The following YWHAG variants were observed in gnomAD, a reference collection of about 807,000 sequenced individuals.
YWHAG encodes tyrosine 3-monooxygenase/tryptophan 5-monooxygenase activation protein gamma.
A neutral mutation model predicts 23.3 loss-of-function variants in YWHAG; 1 was observed. That is an observed-to-expected ratio of 0.04 (90% CI 0.02 to 0.20). The LOEUF (loss-of-function observed/expected upper bound fraction) is 0.20, where lower values mean the gene tolerates loss of function less well. YWHAG is among the 10% of genes least tolerant of loss of function. The pLI, the probability that YWHAG is intolerant of heterozygous loss-of-function variation, is 1.00. For missense variants in YWHAG, 151 were observed against 338.6 expected (o/e 0.45, Z 4.35); for synonymous variants, 160 against 144.0 (o/e 1.11, Z -0.80).
chr7:76,332,940 G>A (rs1452984056), intron 1 of YWHAG, among the ~76,000 whole-genome samples: 1 of 152,120 alleles, frequency 6.6e-6, no homozygotes, highest in Admixed American at 6.6e-5. Flanking sequence ...CTGGCCTCAA[G>A]TGATCCACCC....
Position 76,327,563 on chromosome 7 carries a change from A to G in YWHAG, c.*2014T>C, listed in dbSNP as rs1803463292. 6.6e-6 allele frequency: 1 copy of G among 152,586 alleles called. No individual in the cohort carries two copies. Among genetic ancestry groups the G allele is most frequent in the Admixed American group, 6.6e-5 (1 of 15,264 alleles). The allele number at this position is 152,586 out of a possible 1,614,324, so 9.5% of individuals were successfully genotyped here. A position where few individuals can be genotyped will look rare whatever the true frequency, so the allele number is the denominator to read the frequency against. ...GAGCCAAAGCTGAAATTTAAAGGAA[A>G]AATAGGTTTTGTAATTCCAGTAAAT... On this transcript the variant is annotated 3_prime_UTR_variant, in exon 2 of 2. Coordinates refer to ENST00000307630, the MANE Select transcript of YWHAG (RefSeq NM_012479.4).
At chr7:76,356,886 C>G (rs7780494) in intron 1 of YWHAG, among the ~76,000 whole-genome samples, 2 of 152,144 alleles carry the variant, frequency 1.3e-5, no homozygotes, top group Non-Finnish European at 2.9e-5. Flanking sequence ...CCTGGCTTAT[C>G]GGCTAATTTC....
At position 76,327,786 on chromosome 7, in the gene YWHAG, A is replaced by C. The variant is rs143567403; in HGVS notation, c.*1791T>G. Reference sequence around the variant, plus strand: ...CTAGTTCTTCTGGTAGGCTTCACTTAACTGGGACTTTTACTCTAGCGTGAG... The same window carrying C: ...CTAGTTCTTCTGGTAGGCTTCACTTCACTGGGACTTTTACTCTAGCGTGAG... On this transcript the variant is annotated 3_prime_UTR_variant, in exon 2 of 2. Transcript: ENST00000307630. 1 of 150,210 alleles carries C rather than the reference A, an allele frequency of 6.7e-6. No homozygotes were observed. Among genetic ancestry groups the C allele is most frequent in the South Asian group, 2.1e-4 (1 of 4,754 alleles). The allele number at this position is 150,210 out of a possible 1,614,324, so 9.3% of individuals were successfully genotyped here.
chr7:76,345,428 C>T (rs911498922), intron 1 of YWHAG, among the ~76,000 whole-genome samples: 6 of 151,772 alleles, frequency 4.0e-5, no homozygotes, highest in Non-Finnish European at 7.4e-5. Flanking sequence ...CCTCGTGATC[C>T]ACCCGCCTCG....
chr7:76,334,639 C>T lies in YWHAG; in HGVS notation c.88-4406G>A, dbSNP rs907364625. Among the ~76,000 whole-genome samples the T allele has an allele frequency of 4.4e-4, 67 of 151,984 alleles. 1 individual carries two copies. The highest frequency in any genetic ancestry group is 1.6e-3 in the African/African-American group (65 of 41,342). On this transcript the variant is annotated intron_variant, in intron 1 of 1. Transcript: ENST00000307630. ...CTATGTTGTCCAGGCTGGTTTCGAA[C>T]TCCTGAGCACAAGTGATCCTCCAGC...
At chr7:76,351,789 G>A (rs552917817) in intron 1 of YWHAG, among the ~76,000 whole-genome samples, 1 of 152,302 alleles carries the variant, frequency 6.6e-6, no homozygotes, top group East Asian at 1.9e-4. Context: ...ACATTACGGT[G>A]AGTTGTATAA....
intron 1 of YWHAG, among the ~76,000 whole-genome samples, chr7:76,357,901 CAT>C (rs1351867400): frequency 6.6e-6 from 1 of 152,146 alleles, no homozygotes; most frequent in Non-Finnish European, 1.5e-5. Flanking sequence ...AAAGAAACGG[CAT>C]ATGTCACACG....
In YWHAG at chr7:76,358,875, C is replaced by T. The variant is rs1460298408; in HGVS notation, c.-67G>A. ...GGGGCGGCCTGAAGGGCTTGGAGGG[C>T]GCGACTGGAGCCCAAGTGCCGGAGA... On this transcript the variant is annotated 5_prime_UTR_variant, in exon 1 of 2. Coordinates refer to ENST00000307630, the MANE Select transcript of YWHAG (RefSeq NM_012479.4). The T allele has an allele frequency of 1.4e-5, 21 of 1,462,498 alleles. No homozygotes were observed. Among genetic ancestry groups the T allele is most frequent in the Non-Finnish European group, 1.8e-5 (20 of 1,084,526 alleles). The allele number at this position is 1,462,498 out of a possible 1,614,324, so 90.6% of individuals were successfully genotyped here. A position where few individuals can be genotyped will look rare whatever the true frequency, so the allele number is the denominator to read the frequency against.
At chr7:76,348,667 G>C (rs1803824209) in intron 1 of YWHAG, among the ~76,000 whole-genome samples, 1 of 151,954 alleles carries the variant, frequency 6.6e-6, no homozygotes, top group Non-Finnish European at 1.5e-5. Context: ...GCCTCCCAAA[G>C]TGCTGGGATT....
intron 1 of YWHAG, among the ~76,000 whole-genome samples, chr7:76,337,532 C>T (rs1038881313): frequency 2.0e-5 from 3 of 150,462 alleles, no homozygotes; most frequent in Non-Finnish European, 4.4e-5. Flanking sequence ...CTTCCCTTTG[C>T]TAATTTTTTT....
chr7:76,335,466 C>A (rs1803602932), intron 1 of YWHAG, among the ~76,000 whole-genome samples: 1 of 152,200 alleles, frequency 6.6e-6, no homozygotes, highest in Non-Finnish European at 1.5e-5. Context: ...TCCCCAAATC[C>A]CAGCTGCTAA....
chr7:76,330,159 C>T lies in YWHAG; in HGVS notation c.162G>A (p.Gly54=), dbSNP rs1447611874. The change falls in exon 2 of 2, where the codon GGG becomes GGA. Residue 54 remains glycine, a synonymous_variant. Transcript: ENST00000307630. ...TGACCCTCCAGGAAGAGCGGCGTGC[C>T]CCCACAACGTTCTTGTAGGCCACAG... The part of the protein sequence containing the change: ...LLSVAYKNVV[G]ARRSSWRVIS... The T allele has an allele frequency of 6.2e-7, 1 of 1,610,770 alleles. No individual in the cohort carries two copies. The highest frequency in any genetic ancestry group is 1.7e-5 in the Admixed American group (1 of 59,762).
intron 1 of YWHAG, among the ~76,000 whole-genome samples, chr7:76,354,653 C>T (rs1803924272): frequency 6.6e-6 from 1 of 152,204 alleles, no homozygotes; most frequent in South Asian, 2.1e-4. Flanking sequence ...ATGTCTTGTG[C>T]TGGCGTCCCA....
chr7:76,354,081 A>G (rs1803914564), intron 1 of YWHAG, among the ~76,000 whole-genome samples: 1 of 150,354 alleles, frequency 6.7e-6, no homozygotes, highest in East Asian at 1.9e-4. Flanking sequence ...AACAAAAAAC[A>G]AGCAATCAAA....
At chr7:76,356,176 C>A (rs762121400) in intron 1 of YWHAG, among the ~76,000 whole-genome samples, 3 of 152,206 alleles carry the variant, frequency 2.0e-5, no homozygotes, top group Non-Finnish European at 4.4e-5. Context: ...TCTTTCTCTG[C>A]AGTTTCCAAA....
intron 1 of YWHAG, among the ~76,000 whole-genome samples, chr7:76,341,264 C>T (rs1803689375): frequency 6.6e-6 from 1 of 151,854 alleles, no homozygotes. Flanking sequence ...ATGAGCCGGG[C>T]ATGGTGGCTC....
At position 76,328,975 on chromosome 7, in the gene YWHAG, T is replaced by C. The variant is rs1222560742; in HGVS notation, c.*602A>G. 2.0e-5 allele frequency: 3 copies of C among 152,716 alleles called. No homozygotes were observed. Among genetic ancestry groups the C allele is most frequent in the African/African-American group, 7.2e-5 (3 of 41,442 alleles). The allele number at this position is 152,716 out of a possible 1,614,324, so 9.5% of individuals were successfully genotyped here. A position where few individuals can be genotyped will look rare whatever the true frequency, so the allele number is the denominator to read the frequency against. Reference sequence around the variant, plus strand: ...GGCTTGATGTTACATATGGCTGTAATGTAGAAATACTGTAAACTGCAATTT... The same window carrying C: ...GGCTTGATGTTACATATGGCTGTAACGTAGAAATACTGTAAACTGCAATTT... On this transcript the variant is annotated 3_prime_UTR_variant, in exon 2 of 2. Coordinates refer to ENST00000307630, the MANE Select transcript of YWHAG (RefSeq NM_012479.4).
At chr7:76,345,649 T>A (rs978251000) in intron 1 of YWHAG, among the ~76,000 whole-genome samples, 7 of 151,880 alleles carry the variant, frequency 4.6e-5, no homozygotes, top group Admixed American at 1.3e-4. Flanking sequence ...AAGTTAAGAT[T>A]TAAAAAAATG....
At chr7:76,345,583 T>C (rs7800357) in intron 1 of YWHAG, among the ~76,000 whole-genome samples, 1,898 of 152,208 alleles carry the variant, frequency 0.012, 43 homozygotes, top group African/African-American at 0.043. Flanking sequence ...CCACTGGTCA[T>C]TCTATTACAT....
Sources: gnomAD v4.1 joint callset for allele counts (sites outside exome capture counted in the v4.1 genomes callset) on GRCh38, gnomAD v4.1.1 for gene constraint, MANE v1.5 for transcripts, NCBI Gene and HGNC (gene_info 2026-07-23, HGNC 2026-07-21) for gene names.